The following GRM2 variants were observed in gnomAD, a reference collection of about 807,000 sequenced individuals.
GRM2 encodes the protein metabotropic glutamate receptor 2.
Under a neutral mutation model 60.4 loss-of-function variants are expected in GRM2, and 35 were observed. The ratio of observed to expected loss-of-function variants is 0.58; its 90% confidence interval spans 0.44 to 0.77. The LOEUF (loss-of-function observed/expected upper bound fraction) is 0.77, where lower values mean the gene tolerates loss of function less well. Among genes scored for constraint, GRM2 ranks in the 30% least tolerant of loss-of-function variants. The pLI is 0.00. For missense variants in GRM2, 925 were observed against 1,199.5 expected (o/e 0.77, Z 3.38); for synonymous variants, 437 against 484.1 (o/e 0.90, Z 1.28).
At position 51,713,372 on chromosome 3, in the gene GRM2, CT is replaced by C; in HGVS notation, c.1288+64del. The C allele has an allele frequency of 9.0e-7, 1 of 1,114,250 alleles. No homozygotes were observed. The highest frequency in any genetic ancestry group is 1.5e-5 in the South Asian group (1 of 66,878). 69.0% of individuals were successfully genotyped at this position (1,114,250 alleles called of 1,614,324 possible). ...TGTCAGAGGATGAGGGGAAGCAGAA[CT>C]TCAGCTTCCATTCCTTTGCTAAGGA... On this transcript the variant is annotated intron_variant, in intron 3 of 5. Transcript: ENST00000395052. The surrounding 1 kb of genome is among the most constrained non-coding windows in gnomAD (Gnocchi z 4.8).
At position 51,716,254 on chromosome 3, in the gene GRM2, G is replaced by A. The variant is rs1703896064; in HGVS notation, c.2364+117G>A. ...CCAAGAGGATAATGCCCACTCAGGG[G>A]ACCACAGCTTGTGTGGATCCCAAGG... On this transcript the variant is annotated intron_variant, in intron 4 of 5. Transcript: ENST00000395052. This position sits in a 1 kb window ranked among gnomAD's most constrained non-coding sequence, Gnocchi z 4.0. The A allele has an allele frequency of 1.0e-5, 7 of 703,322 alleles. No homozygotes were observed. The highest frequency in any genetic ancestry group is 2.5e-5 in the Admixed American group (1 of 40,070). 43.6% of individuals were successfully genotyped at this position (703,322 alleles called of 1,614,324 possible). A position where few individuals can be genotyped will look rare whatever the true frequency, so the allele number is the denominator to read the frequency against.
Position 51,718,402 on chromosome 3 carries a change from G to C in GRM2, c.*290G>C. 1 of 428,864 alleles carries C rather than the reference G, an allele frequency of 2.3e-6. No individual in the cohort carries two copies. The highest frequency in any genetic ancestry group is 3.8e-5 in the Admixed American group (1 of 26,378). 26.6% of individuals were successfully genotyped at this position (428,864 alleles called of 1,614,324 possible). A position where few individuals can be genotyped will look rare whatever the true frequency, so the allele number is the denominator to read the frequency against. The stretch of plus-strand genomic sequence containing the variant: ...CCAGGGTTCACTCTGCCCTGGACCC[G>C]GGTGGCTGAGGACGGCAGGCCCCAG... On this transcript the variant is annotated 3_prime_UTR_variant, in exon 6 of 6. Transcript: ENST00000395052. The surrounding 1 kb of genome is among the most constrained non-coding windows in gnomAD (Gnocchi z 4.2).
Position 51,716,022 on chromosome 3 carries a change from G to A in GRM2, c.2249G>A (p.Arg750His), listed in dbSNP as rs371451244. 12 of 1,614,076 alleles carry A rather than the reference G, an allele frequency of 7.4e-6. No individual in the cohort carries two copies. Among genetic ancestry groups the A allele is most frequent in the Non-Finnish European group, 4.2e-6 (5 of 1,180,056 alleles). The change falls in exon 4 of 6, where the codon CGC (arginine) becomes CAC (histidine). Residue 750 changes from arginine (R) to histidine (H), a missense_variant. By Grantham distance (29) the Arg-to-His change is conservative. Transcript: ENST00000395052. This position sits in a 1 kb window ranked among gnomAD's most constrained non-coding sequence, Gnocchi z 4.0. ...ALCTLYAFKTRKCPENFNEAK... is the reference protein window; with the variant it reads ...ALCTLYAFKTHKCPENFNEAK... ...TGCACGCTTTATGCCTTCAAGACTC[G>A]CAAGTGCCCCGAAAACTTCAACGAG...
intron 2 of GRM2, among the ~76,000 whole-genome samples, chr3:51,710,943 G>A (rs1703692826): frequency 6.6e-6 from 1 of 152,268 alleles, no homozygotes; most frequent in African/African-American, 2.4e-5. Context: ...GGGGACATAA[G>A]GTAGGCCTTG....
intron 2 of GRM2, among the ~76,000 whole-genome samples, chr3:51,710,878 C>T (rs1341312421): frequency 6.6e-6 from 1 of 152,244 alleles, no homozygotes; most frequent in Non-Finnish European, 1.5e-5. Context: ...TTCCCGCTTG[C>T]CAAGTGCCCA....
rs980321902 is a variant in GRM2, at chr3:51,713,523, C to G, written c.1288+213C>G. Reference sequence around the variant, plus strand: ...CCACTTTCTTCCAGAGAGTAGACCTCTGGCCTGGTCCCGCCATTTTGAGGG... The same window carrying G: ...CCACTTTCTTCCAGAGAGTAGACCTGTGGCCTGGTCCCGCCATTTTGAGGG... On this transcript the variant is annotated intron_variant, in intron 3 of 5. Transcript: ENST00000395052. The surrounding 1 kb of genome is among the most constrained non-coding windows in gnomAD (Gnocchi z 4.8). 3 of 548,118 alleles carry G rather than the reference C, an allele frequency of 5.5e-6. No homozygotes were observed. The highest frequency in any genetic ancestry group is 9.7e-6 in the Non-Finnish European group (3 of 308,396). 34.0% of individuals were successfully genotyped at this position (548,118 alleles called of 1,614,324 possible). A position where few individuals can be genotyped will look rare whatever the true frequency, so the allele number is the denominator to read the frequency against.
chr3:51,715,843 G>A lies in GRM2; in HGVS notation c.2070G>A (p.Gln690=), dbSNP rs1342630721. The A allele has an allele frequency of 6.2e-7, 1 of 1,613,298 alleles. No individual in the cohort carries two copies. The highest frequency in any genetic ancestry group is 8.5e-7 in the Non-Finnish European group (1 of 1,179,950). The change falls in exon 4 of 6, where the codon CAG becomes CAA. Residue 690 remains glutamine (Q), a synonymous_variant. Coordinates refer to ENST00000395052, the MANE Select transcript of GRM2 (RefSeq NM_000839.5). The surrounding 1 kb of genome is among the most constrained non-coding windows in gnomAD (Gnocchi z 9.0). ...VAICLALISG[Q]LLIVVAWLVV... Reference sequence around the variant, plus strand: ...TCTGCCTGGCACTTATCTCGGGCCAGCTGCTCATCGTGGTCGCCTGGCTGG... The same window carrying A: ...TCTGCCTGGCACTTATCTCGGGCCAACTGCTCATCGTGGTCGCCTGGCTGG...
Position 51,708,929 on chromosome 3 carries a change from A to G in GRM2, c.-55A>G. 1 of 1,367,076 alleles carries G rather than the reference A, an allele frequency of 7.3e-7. No individual in the cohort carries two copies. The highest frequency in any genetic ancestry group is 9.9e-7 in the Non-Finnish European group (1 of 1,012,482). The allele number at this position is 1,367,076 out of a possible 1,614,324, so 84.7% of individuals were successfully genotyped here. On this transcript the variant is annotated 5_prime_UTR_variant, in exon 2 of 6. Coordinates refer to ENST00000395052, the MANE Select transcript of GRM2 (RefSeq NM_000839.5). ...TCCTCTCTTTGCCTTCGCTGCTTCT[A>G]ATCTCATCCCCTGGAGACCCAGGTC...
rs1156288301 is a variant in GRM2, at chr3:51,712,928, T to C, written c.906T>C (p.Ser302=). Residue 302 remains serine (S), a synonymous_variant, in exon 3 of 6, where the codon AGT becomes AGC. Transcript: ENST00000395052. The surrounding 1 kb of genome is among the most constrained non-coding windows in gnomAD (Gnocchi z 5.3). ...VASDGWGALE[S]VVAGSEGAAE... ...GTGATGGTTGGGGGGCCCTGGAGAG[T>C]GTGGTGGCAGGCAGTGAGGGGGCTG... 1.9e-6 allele frequency: 3 copies of C among 1,612,602 alleles called. No individual in the cohort carries two copies. The Admixed American group carries it at 5.0e-5, about 27-fold the overall frequency.
rs200502357 is a variant in GRM2 at position 51,709,195 on chromosome 3, G to T, written c.212G>T (p.Arg71Leu). ...GAGGCCATGCTTTTTGCACTGGACC[G>T]CATCAACCGTGACCCGCACCTGCTG... Reference protein sequence around the residue: ...RLEAMLFALDRINRDPHLLPG... With the variant: ...RLEAMLFALDLINRDPHLLPG... The change falls in exon 2 of 6, where the codon CGC (arginine) becomes CTC (leucine). Residue 71 changes from arginine to leucine, a missense_variant. Coordinates refer to ENST00000395052, the MANE Select transcript of GRM2 (RefSeq NM_000839.5). The T allele has an allele frequency of 1.9e-6, 3 of 1,611,528 alleles. No homozygotes were observed. The highest frequency in any genetic ancestry group is 1.1e-5 in the South Asian group (1 of 91,078).
chr3:51,712,936 C>G lies in GRM2; in HGVS notation c.914C>G (p.Ala305Gly), dbSNP rs1703770137. 1 of 1,612,948 alleles carries G rather than the reference C, an allele frequency of 6.2e-7. No homozygotes were observed. The highest frequency in any genetic ancestry group is 1.3e-5 in the African/African-American group (1 of 74,940). Residue 305 changes from alanine to glycine, a missense_variant, in exon 3 of 6, where the codon GCA (alanine) becomes GGA (glycine). Ala to Gly is a moderately conservative substitution (Grantham distance 60). Transcript: ENST00000395052. This position sits in a 1 kb window ranked among gnomAD's most constrained non-coding sequence, Gnocchi z 5.3. ...DGWGALESVV[A>G]GSEGAAEGAI... The stretch of plus-strand genomic sequence containing the variant: ...TGGGGGGCCCTGGAGAGTGTGGTGG[C>G]AGGCAGTGAGGGGGCTGCTGAGGGT...
chr3:51,710,933 G>C (rs1394372406), intron 2 of GRM2, among the ~76,000 whole-genome samples: 3 of 152,250 alleles, frequency 2.0e-5, no homozygotes, highest in Non-Finnish European at 4.4e-5. Context: ...ATCAGGGCTG[G>C]GGGACATAAG....
In GRM2 at chr3:51,717,184, C is replaced by A. The variant is rs1703931525; in HGVS notation, c.2365-453C>A. On this transcript the variant is annotated intron_variant, in intron 4 of 5. Transcript: ENST00000395052. The surrounding 1 kb of genome is among the most constrained non-coding windows in gnomAD (Gnocchi z 6.0). The stretch of plus-strand genomic sequence containing the variant: ...CATGCATGCATGCACACACACATAT[C>A]CCACATACACACACTCGCTGGCACA... 6.6e-6 allele frequency among the ~76,000 whole-genome samples: 1 copy of A among 151,854 alleles called. No individual in the cohort carries two copies. The highest frequency in any genetic ancestry group is 2.1e-4 in the South Asian group (1 of 4,808).
At position 51,715,906 on chromosome 3, in the gene GRM2, C is replaced by G; in HGVS notation, c.2133C>G (p.Pro711=). ...EAPGTGKETA[P]ERREVVTLRC... ...CGGGCACAGGCAAGGAGACAGCCCC[C>G]GAACGGCGGGAGGTGGTGACACTGC... The change falls in exon 4 of 6, where the codon CCC becomes CCG. Residue 711 remains proline (P), a synonymous_variant. Transcript: ENST00000395052. The surrounding 1 kb of genome is among the most constrained non-coding windows in gnomAD (Gnocchi z 9.0). 1.2e-6 allele frequency: 2 copies of G among 1,613,564 alleles called. No individual in the cohort carries two copies. The highest frequency in any genetic ancestry group is 1.1e-5 in the South Asian group (1 of 91,076).
chr3:51,710,151 G>A lies in GRM2; in HGVS notation c.450+718G>A, dbSNP rs527769904. On this transcript the variant is annotated intron_variant, in intron 2 of 5. Coordinates refer to ENST00000395052, the MANE Select transcript of GRM2 (RefSeq NM_000839.5). ...ATTACAGGCGCCTGCCACCATGCCC[G>A]GCTAATTTTTGTATTTTTAGTAGAG... Among the ~76,000 whole-genome samples the A allele has an allele frequency of 9.6e-4, 146 of 151,856 alleles. 1 individual carries two copies. The highest frequency in any genetic ancestry group is 3.5e-3 in the African/African-American group (145 of 41,408).
Position 51,712,817 on chromosome 3 carries a change from G to A in GRM2, c.795G>A (p.Val265=). ...TGCTGCAGAAGCCCAGTGCCCGCGT[G>A]GCTGTCCTGTTCACCCGTTCTGAGG... ...RALLQKPSAR[V]AVLFTRSEDA... The change falls in exon 3 of 6, where the codon GTG becomes GTA. Residue 265 remains valine (V), a synonymous_variant. Transcript: ENST00000395052. This position sits in a 1 kb window ranked among gnomAD's most constrained non-coding sequence, Gnocchi z 5.3. The A allele has an allele frequency of 6.2e-7, 1 of 1,612,924 alleles. No homozygotes were observed. The highest frequency in any genetic ancestry group is 8.5e-7 in the Non-Finnish European group (1 of 1,180,020).
Position 51,715,006 on chromosome 3 carries a change from T to C in GRM2, c.1289-56T>C, listed in dbSNP as rs929725292. On this transcript the variant is annotated intron_variant, in intron 3 of 5. Coordinates refer to ENST00000395052, the MANE Select transcript of GRM2 (RefSeq NM_000839.5). This position sits in a 1 kb window ranked among gnomAD's most constrained non-coding sequence, Gnocchi z 9.0. ...TTCCATGTTAGGGTGAATGTTGAGG[T>C]CACATCAGGGTAACACACTAGTCCA... The C allele has an allele frequency of 1.1e-5, 12 of 1,095,764 alleles. No individual in the cohort carries two copies. In the African/African-American group the frequency reaches 1.4e-4, roughly 13 times the overall value. The allele number at this position is 1,095,764 out of a possible 1,614,324, so 67.9% of individuals were successfully genotyped here.
chr3:51,714,942 T>C (rs1317286562), intron 3 of GRM2, 120 bp from the exon 4 acceptor site: 11 of 584,932 alleles, frequency 1.9e-5, no homozygotes, highest in South Asian at 1.9e-4. Context: ...GGGTTAAGGA[T>C]TGGAAGGGCT....
Position 51,715,245 on chromosome 3 carries a change from C to T in GRM2, c.1472C>T (p.Ser491Leu). The change falls in exon 4 of 6, where the codon TCA becomes TTA. Residue 491 changes from serine to leucine, a missense_variant. Ser to Leu is a moderately radical substitution (Grantham distance 145). Transcript: ENST00000395052. This position sits in a 1 kb window ranked among gnomAD's most constrained non-coding sequence, Gnocchi z 9.0. ...DTSLIPWASP[S>L]AGPLPASRCS... ...AGCCTCATCCCATGGGCCTCACCCT[C>T]AGCCGGCCCCCTGCCCGCCTCTCGC... 1 of 1,610,114 alleles carries T rather than the reference C, an allele frequency of 6.2e-7. No individual in the cohort carries two copies. Among genetic ancestry groups the T allele is most frequent in the Non-Finnish European group, 8.5e-7 (1 of 1,177,582 alleles).
Sources: gnomAD v4.1 joint callset for allele counts (sites outside exome capture counted in the v4.1 genomes callset) on GRCh38, gnomAD v4.1.1 for gene constraint, Gnocchi (gnomAD v3.1) non-coding constraint, MANE v1.5 for transcripts, NCBI Gene and HGNC (gene_info 2026-07-23, HGNC 2026-07-21) for gene names.